Variants in CDH13 observed in about 807,000 individuals in gnomAD.
CDH13 encodes cadherin 13, also known as cadherin-13.
CDH13 carries 24 observed loss-of-function variants against 63.8 expected under a neutral mutation model. That is an observed-to-expected ratio of 0.38 (90% confidence interval 0.27 to 0.53). The LOEUF is 0.53. Among genes scored for constraint, CDH13 ranks in the 20% least tolerant of loss-of-function variants. The pLI, the probability that CDH13 is intolerant of heterozygous loss-of-function variation, is 0.85. For synonymous variants in CDH13, 503 were observed against 355.3 expected (o/e 1.42, Z -4.67); for missense variants, 1,049 against 903.1 (o/e 1.16, Z -2.07).
intron 1 of CDH13, among the ~76,000 whole-genome samples, chr16:82,642,273 A>G (rs141901143): frequency 6.6e-6 from 1 of 152,166 alleles, no homozygotes; most frequent in East Asian, 1.9e-4. Context: ...AGGTTAGACT[A>G]TAAGGTCAGG....
chr16:82,750,791 T>C (rs969485348), intron 1 of CDH13, among the ~76,000 whole-genome samples: 7 of 151,956 alleles, frequency 4.6e-5, no homozygotes, highest in African/African-American at 1.2e-4. Flanking sequence ...ATTTTTTTTT[T>C]CCCAACAGCC....
At chr16:83,234,183 G>C (rs1157140454) in intron 5 of CDH13, among the ~76,000 whole-genome samples, 4 of 152,174 alleles carry the variant, frequency 2.6e-5, no homozygotes, top group Non-Finnish European at 4.4e-5. Flanking sequence ...GTCTCTGATA[G>C]GTTTTCTTTC....
At chr16:83,100,796 A>T (rs369125455) in intron 3 of CDH13, among the ~76,000 whole-genome samples, 35 of 152,318 alleles carry the variant, frequency 2.3e-4, no homozygotes, top group African/African-American at 7.9e-4. Flanking sequence ...TGCAGCACCC[A>T]TGGGTGTGTG....
chr16:83,707,667 A>G (rs1384961236), intron 10 of CDH13, among the ~76,000 whole-genome samples: 4 of 151,974 alleles, frequency 2.6e-5, no homozygotes, highest in Admixed American at 6.6e-5. Context: ...TTCCCCGTGT[A>G]TCATATCCCT....
intron 4 of CDH13, among the ~76,000 whole-genome samples, chr16:83,210,548 C>T (rs1189962309): frequency 6.6e-6 from 1 of 151,968 alleles, no homozygotes; most frequent in African/African-American, 2.4e-5. Context: ...TAAAAGCCCA[C>T]CACGTACGGC....
intron 1 of CDH13, among the ~76,000 whole-genome samples, chr16:82,851,793 C>T (rs1388127361): frequency 3.9e-5 from 6 of 152,058 alleles, no homozygotes; most frequent in Admixed American, 3.9e-4. Context: ...GGTTTGTGCT[C>T]CCTGGGAGGA....
intron 3 of CDH13, among the ~76,000 whole-genome samples, chr16:83,123,516 T>G (rs1168127714): frequency 2.0e-5 from 3 of 152,100 alleles, no homozygotes; most frequent in Admixed American, 1.3e-4. Flanking sequence ...CAACCTCAGG[T>G]TATCCACCCT....
intron 2 of CDH13, among the ~76,000 whole-genome samples, chr16:82,962,569 G>A (rs967016221): frequency 3.3e-5 from 5 of 152,190 alleles, no homozygotes; most frequent in Admixed American, 6.5e-5. Flanking sequence ...CAACTCATAA[G>A]GCTGAAGACA....
intron 5 of CDH13, among the ~76,000 whole-genome samples, chr16:83,301,185 C>T (rs981959798): frequency 2.0e-5 from 3 of 151,810 alleles, no homozygotes; most frequent in African/African-American, 7.3e-5. Flanking sequence ...GCGCCCACCA[C>T]CACGCCCGGC....
chr16:83,792,627 C>G (rs1207461789), intron 13 of CDH13, among the ~76,000 whole-genome samples: 1 of 152,114 alleles, frequency 6.6e-6, no homozygotes, highest in Non-Finnish European at 1.5e-5. Context: ...CAGGACAGCA[C>G]CCCCCACAAA....
At chr16:82,885,475 C>CCATT (rs2040855319) in intron 2 of CDH13, among the ~76,000 whole-genome samples, 1 of 127,882 alleles carries the variant, frequency 7.8e-6, no homozygotes. Context: ...ACCCATCCAT[C>CCATT]CATCCACCCA....
intron 10 of CDH13, among the ~76,000 whole-genome samples, chr16:83,702,195 C>T (rs1480910432): frequency 6.6e-6 from 1 of 152,246 alleles, no homozygotes; most frequent in Middle Eastern, 3.4e-3. Context: ...GGATACCCTC[C>T]TTGGTACTCA....
chr16:83,029,305 G>C (rs975305800), intron 2 of CDH13, among the ~76,000 whole-genome samples: 1 of 152,068 alleles, frequency 6.6e-6, no homozygotes, highest in African/African-American at 2.4e-5. Flanking sequence ...TATTTATTTG[G>C]CTTTAACAGT....
At chr16:82,884,240 G>T (rs980385193) in intron 2 of CDH13, 1 of 455,008 alleles carries the variant, frequency 2.2e-6, no homozygotes, top group Non-Finnish European at 4.4e-6. Context: ...AAAAGCCTGG[G>T]CTCCCATGAG....
intron 4 of CDH13, among the ~76,000 whole-genome samples, chr16:83,192,647 T>G (rs1251773880): frequency 6.6e-6 from 1 of 152,146 alleles, no homozygotes; most frequent in Non-Finnish European, 1.5e-5. Flanking sequence ...GTTGCTGACT[T>G]TAACAGGGAG....
At chr16:83,249,203 A>G (rs565005324) in intron 5 of CDH13, among the ~76,000 whole-genome samples, 1 of 152,280 alleles carries the variant, frequency 6.6e-6, no homozygotes, top group African/African-American at 2.4e-5. Context: ...ATATTTATTG[A>G]CCAGACTAAG....
intron 5 of CDH13, among the ~76,000 whole-genome samples, chr16:83,283,148 A>G (rs1238327464): frequency 3.3e-5 from 5 of 152,180 alleles, no homozygotes; most frequent in East Asian, 1.9e-4. Flanking sequence ...TTAGATCTTC[A>G]CAGATTTTTA....
chr16:82,862,785 C>T (rs960845423), intron 2 of CDH13, among the ~76,000 whole-genome samples: 1 of 152,232 alleles, frequency 6.6e-6, no homozygotes, highest in African/African-American at 2.4e-5. Flanking sequence ...TTATTTCTCA[C>T]TCAGATCATG....
At chr16:82,828,150 T>A (rs1384462276) in intron 1 of CDH13, among the ~76,000 whole-genome samples, 1 of 152,144 alleles carries the variant, frequency 6.6e-6, no homozygotes, top group Admixed American at 6.5e-5. Context: ...AGGTTTTCAA[T>A]ACCATCACAG....
Sources: gnomAD v4.1 joint callset for allele counts (sites outside exome capture counted in the v4.1 genomes callset) on GRCh38, gnomAD v4.1.1 for gene constraint, MANE v1.5 for transcripts, NCBI Gene and HGNC (gene_info 2026-07-23, HGNC 2026-07-21) for gene names.